RSAD2: variants seen among roughly 807,000 people sequenced by gnomAD.
RSAD2 encodes S-adenosylmethionine-dependent nucleotide dehydratase RSAD2.
RSAD2 carries 38 observed loss-of-function variants against 37.7 expected under a neutral mutation model. The ratio of observed to expected loss-of-function variants is 1.01; its 90% CI spans 0.78 to 1.32. RSAD2 has a LOEUF of 1.32. Among genes scored for constraint, RSAD2 ranks in the 40% most tolerant of loss-of-function variants. RSAD2 has a pLI of 0.00. For synonymous variants in RSAD2, 163 were observed against 157.4 expected, an observed-to-expected ratio of 1.04 and a Z score of -0.27; for missense variants, 428 against 437.5, an observed-to-expected ratio of 0.98 and a Z score of 0.19.
intron 3 of RSAD2, 107 bp from the exon 4 acceptor site, chr2:6,890,069 A>T: frequency 9.7e-7 from 1 of 1,034,332 alleles, no homozygotes; most frequent in Non-Finnish European, 1.4e-6. Flanking sequence ...CTCAGCTCGT[A>T]GAGTCTCTTT....
intron 5 of RSAD2, 66 bp downstream of exon 5, chr2:6,893,769 G>T: frequency 9.1e-7 from 1 of 1,102,124 alleles, no homozygotes. Flanking sequence ...TGGCAGAGTT[G>T]AGTTCCATGA....
rs187584487 is a variant in RSAD2, at chr2:6,884,595, T to G, written c.508+1063T>G. On this transcript the variant is annotated intron_variant, in intron 2 of 5. Transcript: ENST00000382040. ...AGCCGTCCAGGATGTCCTCATGGTGTGCAGAGTAGGGACAGTACTGCATGT... is the reference window on the plus strand; with the variant it reads ...AGCCGTCCAGGATGTCCTCATGGTGGGCAGAGTAGGGACAGTACTGCATGT... Among the ~76,000 whole-genome samples, 5 of 152,294 alleles carry G rather than the reference T, an allele frequency of 3.3e-5. 1 individual carries two copies. The highest frequency in any genetic ancestry group is 2.6e-4 in the Admixed American group (4 of 15,300).
chr2:6,873,502 C>T (rs1663233893), upstream of RSAD2, among the ~76,000 whole-genome samples: 1 of 152,142 alleles, frequency 6.6e-6, no homozygotes, highest in African/African-American at 2.4e-5. Flanking sequence ...GGTAACTGGC[C>T]TAGTAAACTA....
chr2:6,866,961 A>G (rs1478540320), intron 1 of RSAD2, among the ~76,000 whole-genome samples: 2 of 152,202 alleles, frequency 1.3e-5, no homozygotes, highest in Non-Finnish European at 2.9e-5. Flanking sequence ...AAGAATTAGG[A>G]GTTTAAAATT....
At chr2:6,878,727 C>A in intron 1 of RSAD2, 1 of 651,054 alleles carries the variant, frequency 1.5e-6, no homozygotes, top group South Asian at 2.3e-5. Context: ...CTGGCAGCGT[C>A]TTGGAGAGAA....
intron 1 of RSAD2, among the ~76,000 whole-genome samples, chr2:6,870,659 C>A (rs1157279171): frequency 6.6e-6 from 1 of 152,152 alleles, no homozygotes; most frequent in Non-Finnish European, 1.5e-5. Flanking sequence ...CTCTTGACCC[C>A]AAGTTTAGGA....
chr2:6,877,685 A>G, upstream of RSAD2: 1 of 747,534 alleles, frequency 1.3e-6, no homozygotes, highest in Non-Finnish European at 2.1e-6. Flanking sequence ...AGTGTTAGTC[A>G]AAGAAGGTGT....
intron 2 of RSAD2, among the ~76,000 whole-genome samples, chr2:6,884,423 C>A (rs1472018707): frequency 6.6e-6 from 1 of 152,150 alleles, no homozygotes; most frequent in Non-Finnish European, 1.5e-5. Flanking sequence ...GGCACTTTGT[C>A]ACTCACACAG....
At position 6,877,993 on chromosome 2, in the gene RSAD2, G is replaced by A; in HGVS notation, c.193G>A (p.Asp65Asn). The A allele has an allele frequency of 6.2e-7, 1 of 1,614,068 alleles. No homozygotes were observed. Among genetic ancestry groups the A allele is most frequent in the East Asian group, 2.2e-5 (1 of 44,872 alleles). ...GPDETKEEEE[D>N]PPLPTTPTSV... ...AGATGAGACCAAAGAGGAGGAAGAG[G>A]ACCCTCCTCTGCCCACCACCCCAAC... The change falls in exon 1 of 6, where the codon GAC becomes AAC. Residue 65 changes from aspartate to asparagine, a missense_variant. Asp to Asn is a conservative substitution (Grantham distance 23). Coordinates refer to ENST00000382040, the MANE Select transcript of RSAD2 (RefSeq NM_080657.5).
intron 1 of RSAD2, chr2:6,878,698 A>G: frequency 2.8e-6 from 1 of 351,890 alleles, no homozygotes; most frequent in Non-Finnish European, 4.7e-6. Flanking sequence ...ATGCTTACTG[A>G]GCATCACCAC....
At chr2:6,895,557 C>T (rs1057401295) in intron 5 of RSAD2, among the ~76,000 whole-genome samples, 9 of 152,198 alleles carry the variant, frequency 5.9e-5, no homozygotes, top group Non-Finnish European at 1.2e-4. Context: ...GTTTATTGTG[C>T]GCTTAGGTGT....
At chr2:6,876,172 A>T (rs954684127), upstream of RSAD2, among the ~76,000 whole-genome samples, 3 of 152,212 alleles carry the variant, frequency 2.0e-5, no homozygotes, top group Non-Finnish European at 2.9e-5. Flanking sequence ...TCTGAAAAAC[A>T]GCTTCAAAAA....
In RSAD2 at chr2:6,893,703, T is replaced by C; in HGVS notation, c.921T>C (p.Tyr307=). ...ACTCCTACCTTATTCTGGATGAATA[T>C]GTGAGTATTTCCAATGAGTTATAAA... is the stretch of plus-strand genomic sequence containing the variant. ...MKDSYLILDE[Y]MRFLNCRKGR... is the part of the protein sequence containing the mutation. The change falls in exon 5 of 6, where the codon TAT becomes TAC. Residue 307 remains tyrosine, a splice_region_variant and synonymous_variant. Coordinates refer to ENST00000382040, the MANE Select transcript of RSAD2 (RefSeq NM_080657.5). The C allele has an allele frequency of 3.8e-6, 6 of 1,592,790 alleles. No homozygotes were observed. The highest frequency in any genetic ancestry group is 5.2e-6 in the Non-Finnish European group (6 of 1,161,076).
intron 3 of RSAD2, among the ~76,000 whole-genome samples, chr2:6,888,893 G>C (rs530137771): frequency 6.6e-6 from 1 of 152,298 alleles, no homozygotes; most frequent in East Asian, 1.9e-4. Context: ...GGGCTGGAAG[G>C]TGTCACCAGC....
intron 3 of RSAD2, among the ~76,000 whole-genome samples, chr2:6,887,823 G>A (rs577756589): frequency 6.6e-6 from 1 of 152,350 alleles, no homozygotes; most frequent in East Asian, 1.9e-4. Context: ...CTGTGGTGAA[G>A]GTAAGCATAG....
At chr2:6,894,016 CAG>C (rs1663688767) in intron 5 of RSAD2, among the ~76,000 whole-genome samples, 1 of 152,140 alleles carries the variant, frequency 6.6e-6, no homozygotes, top group Non-Finnish European at 1.5e-5. Context: ...TCACACACAA[CAG>C]AGTCATCTGT....
chr2:6,893,860 C>T (rs1663684725), intron 5 of RSAD2, among the ~76,000 whole-genome samples, 157 bp downstream of exon 5: 2 of 152,136 alleles, frequency 1.3e-5, no homozygotes, highest in African/African-American at 2.4e-5. Flanking sequence ...TATGCCAGAG[C>T]CCTCACTTCA....
chr2:6,872,469 T>C (rs1663217554), intron 1 of RSAD2, among the ~76,000 whole-genome samples: 1 of 152,122 alleles, frequency 6.6e-6, no homozygotes, highest in Non-Finnish European at 1.5e-5. Flanking sequence ...GTGATTAAAG[T>C]GTGTGATTAA....
intron 1 of RSAD2, among the ~76,000 whole-genome samples, chr2:6,879,929 G>A (rs936943566): frequency 2.0e-5 from 3 of 152,114 alleles, no homozygotes; most frequent in Non-Finnish European, 4.4e-5. Flanking sequence ...TAGCTTTTCT[G>A]AGTATCAGTT....
Sources: allele counts gnomAD v4.1 joint callset (sites outside exome capture counted in the v4.1 genomes callset), GRCh38; gene constraint gnomAD v4.1.1; transcripts MANE v1.5; gene names NCBI Gene and HGNC (gene_info 2026-07-23, HGNC 2026-07-21).